MTMR8: variants seen among roughly 807,000 people sequenced by gnomAD.
MTMR8 encodes the protein myotubularin related protein 8, also known as phosphatidylinositol-3,5-bisphosphate 3-phosphatase MTMR8.
Under a neutral mutation model 39.3 loss-of-function variants are expected in MTMR8, and 65 were observed. The ratio of observed to expected loss-of-function variants is 1.65; its 90% CI spans 1.35 to 2.03. The LOEUF (loss-of-function observed/expected upper bound fraction) is 2.03. Among genes scored for constraint, MTMR8 ranks in the 30% most tolerant of loss-of-function variants. MTMR8 has a pLI of 0.00. For synonymous variants in MTMR8, 245 were observed against 185.2 expected, an observed-to-expected ratio of 1.32 and a Z score of -2.62; for missense variants, 777 against 538.9, an observed-to-expected ratio of 1.44 and a Z score of -4.37.
intron 3 of MTMR8, among the ~76,000 whole-genome samples, chrX:64,355,959 G>T (rs1444319243): frequency 9.0e-6 from 1 of 110,651 alleles, no homozygotes; most frequent in East Asian, 2.9e-4. Flanking sequence ...GGTATTCAAG[G>T]CTCAAAACAA....
chrX:64,359,602 A>G (rs1923724349), intron 1 of MTMR8, 75 bp from the exon 2 acceptor site: 16 of 1,014,958 alleles, frequency 1.6e-5, no homozygotes, highest in Non-Finnish European at 2.1e-5. Flanking sequence ...ATTCAAAGCA[A>G]GATAAACGCT....
At chrX:64,362,701 C>T (rs1052431820) in intron 1 of MTMR8, among the ~76,000 whole-genome samples, 1 of 109,527 alleles carries the variant, frequency 9.1e-6, no homozygotes, top group Non-Finnish European at 1.9e-5. Flanking sequence ...AAACTAGACT[C>T]TAGATATATC....
chrX:64,287,173 A>T (rs1413529586), intron 12 of MTMR8, among the ~76,000 whole-genome samples: 1 of 111,218 alleles, frequency 9.0e-6, no homozygotes, highest in Non-Finnish European at 1.9e-5. Flanking sequence ...ACCAATAACA[A>T]ACAAACAGAG....
chrX:64,318,566 T>C (rs1484794463), intron 12 of MTMR8, among the ~76,000 whole-genome samples: 1 of 111,323 alleles, frequency 9.0e-6, no homozygotes, highest in Non-Finnish European at 1.9e-5. Context: ...CAATCTGCCT[T>C]CTACTCTGAA....
At chrX:64,369,271 C>A (rs913786314) in intron 1 of MTMR8, among the ~76,000 whole-genome samples, 1 of 111,651 alleles carries the variant, frequency 9.0e-6, no homozygotes, top group East Asian at 2.8e-4. Flanking sequence ...TGGCTATATA[C>A]CCAAAGGATT....
rs966488677 is a variant in MTMR8, at chrX:64,369,780, C to A, written c.25-10253G>T. 3.6e-5 allele frequency among the ~76,000 whole-genome samples: 4 copies of A among 110,905 alleles called. No homozygotes were observed. In the East Asian group the frequency reaches 1.1e-3, roughly 32 times the overall value. On this transcript the variant is annotated intron_variant, in intron 1 of 13. Coordinates refer to ENST00000374852, the MANE Select transcript of MTMR8 (RefSeq NM_017677.4). The stretch of plus-strand genomic sequence containing the variant: ...AAGTATAATTTTAAAAAAAAATTAT[C>A]CAGTCTCAGGTATTTCTTTATTGAA...
chrX:64,335,134 A>ATT (rs372963600), intron 10 of MTMR8, among the ~76,000 whole-genome samples: 2 of 103,442 alleles, frequency 1.9e-5, no homozygotes. Flanking sequence ...GTAAAACTCA[A>ATT]TTTTTTTTTT....
chrX:64,351,536 G>A (rs1295874393), intron 4 of MTMR8, among the ~76,000 whole-genome samples: 1 of 111,155 alleles, frequency 9.0e-6, no homozygotes, highest in Non-Finnish European at 1.9e-5. Context: ...AGTTTATTAA[G>A]GAGAATTGAC....
chrX:64,394,714 G>A (rs1174211353), intron 1 of MTMR8, among the ~76,000 whole-genome samples: 1 of 112,128 alleles, frequency 8.9e-6, no homozygotes, highest in Admixed American at 9.4e-5. Flanking sequence ...CAACTGGCTA[G>A]ATAAACCTCT....
chrX:64,355,000 C>T, intron 3 of MTMR8, 66 bp from the exon 4 acceptor site: 2 of 924,588 alleles, frequency 2.2e-6, no homozygotes, highest in Non-Finnish European at 2.9e-6. Flanking sequence ...TCAAACAATG[C>T]AAATAAAGGC....
chrX:64,296,428 T>A (rs1921584437), intron 12 of MTMR8, among the ~76,000 whole-genome samples: 1 of 110,829 alleles, frequency 9.0e-6, no homozygotes, highest in East Asian at 2.9e-4. Context: ...CTGATTACAC[T>A]GTACACTTAA....
intron 12 of MTMR8, among the ~76,000 whole-genome samples, chrX:64,327,689 A>G (rs968376122): frequency 1.8e-5 from 2 of 112,623 alleles, no homozygotes; most frequent in Admixed American, 1.9e-4. Flanking sequence ...GTATATATCC[A>G]AAGAAAATGA....
At chrX:64,393,004 C>A (rs1924731793) in intron 1 of MTMR8, among the ~76,000 whole-genome samples, 1 of 111,884 alleles carries the variant, frequency 8.9e-6, no homozygotes, top group Non-Finnish European at 1.9e-5. Context: ...CACAGCCCTG[C>A]CAGGCACCAA....
intron 1 of MTMR8, among the ~76,000 whole-genome samples, chrX:64,365,474 G>T (rs1041267175): frequency 3.2e-4 from 36 of 111,881 alleles, no homozygotes; most frequent in South Asian, 3.8e-4. Flanking sequence ...TTAAAGAAAA[G>T]AATTTTCAAC....
chrX:64,288,873 TG>T (rs1921299403), intron 12 of MTMR8, among the ~76,000 whole-genome samples: 1 of 108,645 alleles, frequency 9.2e-6, no homozygotes. Context: ...TGTTGTAGGG[TG>T]GGGGCAGGTG....
intron 12 of MTMR8, among the ~76,000 whole-genome samples, chrX:64,309,782 T>C (rs1203689736): frequency 8.9e-6 from 1 of 112,534 alleles, no homozygotes; most frequent in Non-Finnish European, 1.9e-5. Flanking sequence ...TGTAATTATG[T>C]TTACAATATA....
At chrX:64,312,693 G>A (rs1033785067) in intron 12 of MTMR8, among the ~76,000 whole-genome samples, 7 of 112,453 alleles carry the variant, frequency 6.2e-5, no homozygotes, top group Non-Finnish European at 1.1e-4. Flanking sequence ...ATCTATGGCA[G>A]CTATGGCCAT....
intron 1 of MTMR8, among the ~76,000 whole-genome samples, chrX:64,362,585 G>A (rs1391126775): frequency 8.5e-5 from 9 of 105,565 alleles, no homozygotes; most frequent in Non-Finnish European, 1.7e-4. Context: ...GCATAAACAT[G>A]GCACTACAAA....
At chrX:64,360,962 C>G (rs1386940870) in intron 1 of MTMR8, among the ~76,000 whole-genome samples, 1 of 111,272 alleles carries the variant, frequency 9.0e-6, no homozygotes, top group Non-Finnish European at 1.9e-5. Context: ...CACAGATACA[C>G]ACACATAGCC....
Sources: gnomAD v4.1 joint callset for allele counts (sites outside exome capture counted in the v4.1 genomes callset) on GRCh38, gnomAD v4.1.1 for gene constraint, MANE v1.5 for transcripts, NCBI Gene and HGNC (gene_info 2026-07-23, HGNC 2026-07-21) for gene names.